Variants in PIAS1 observed in about 807,000 individuals in gnomAD.
PIAS1 encodes protein inhibitor of activated STAT 1.
Under a neutral mutation model 71.3 loss-of-function variants are expected in PIAS1, and 6 were observed. The ratio of observed to expected loss-of-function variants is 0.08; its 90% CI spans 0.05 to 0.17. The LOEUF is 0.17. Among genes scored for constraint, PIAS1 ranks in the 10% least tolerant of loss-of-function variants. The pLI is 1.00. For synonymous variants in PIAS1, 303 were observed against 292.9 expected (o/e 1.03, Z -0.35); for missense variants, 555 against 793.6 (o/e 0.70, Z 3.61).
At chr15:68,143,421 C>T (rs890633087) in intron 4 of PIAS1, among the ~76,000 whole-genome samples, 4 of 151,900 alleles carry the variant, frequency 2.6e-5, no homozygotes, top group Non-Finnish European at 4.4e-5. Context: ...GAGTTGAAGT[C>T]GAAAGTTGAG....
At chr15:68,147,019 G>A (rs1343858059) in intron 6 of PIAS1, among the ~76,000 whole-genome samples, 1 of 152,028 alleles carries the variant, frequency 6.6e-6, no homozygotes, top group African/African-American at 2.4e-5. Flanking sequence ...ACTATTGAGC[G>A]TGTTACTTGA....
chr15:68,180,192 C>T (rs929940410), intron 11 of PIAS1, among the ~76,000 whole-genome samples: 2 of 152,130 alleles, frequency 1.3e-5, no homozygotes, highest in Non-Finnish European at 2.9e-5. Flanking sequence ...CCTCGACCCC[C>T]CAGGCTCAAG....
chr15:68,109,202 G>T (rs1304176626), intron 2 of PIAS1, among the ~76,000 whole-genome samples: 1 of 152,054 alleles, frequency 6.6e-6, no homozygotes, highest in Admixed American at 6.6e-5. Flanking sequence ...AAACATTCAC[G>T]TGGCCATCTC....
Position 68,155,455 on chromosome 15 carries a change from A to AAAAAC in PIAS1, c.934+1764_934+1765insCAAAA, listed in dbSNP as rs1378582082. On this transcript the variant is annotated intron_variant, in intron 7 of 13. Transcript: ENST00000249636. The stretch of plus-strand genomic sequence containing the variant: ...TTTACCTGTATGCTGCCTGTAAAAA[A>AAAAAC]AAAAAAAAAAAAAAAAACCAAAAAC... Among the ~76,000 whole-genome samples the AAAAAC allele has an allele frequency of 6.6e-5, 10 of 150,992 alleles. No individual in the cohort carries two copies. In the East Asian group the frequency reaches 1.2e-3, roughly 18 times the overall value.
At chr15:68,058,746 T>C (rs192376799) in intron 1 of PIAS1, among the ~76,000 whole-genome samples, 1 of 152,156 alleles carries the variant, frequency 6.6e-6, no homozygotes, top group East Asian at 1.9e-4. Context: ...ATCTGAGAAG[T>C]AAGCAGAAAA....
chr15:68,168,592 G>A (rs890066344), intron 8 of PIAS1, among the ~76,000 whole-genome samples: 3 of 152,094 alleles, frequency 2.0e-5, no homozygotes, highest in Admixed American at 6.5e-5. Flanking sequence ...AGATGAAGAC[G>A]TTCAAAGCTC....
At chr15:68,101,398 G>A (rs1273567790) in intron 2 of PIAS1, among the ~76,000 whole-genome samples, 7 of 144,100 alleles carry the variant, frequency 4.9e-5, no homozygotes, top group Non-Finnish European at 6.0e-5. Context: ...CTAGTCCTTC[G>A]TTGGGTTTGT....
chr15:68,137,542 G>C (rs943252617), intron 2 of PIAS1, among the ~76,000 whole-genome samples: 2 of 152,066 alleles, frequency 1.3e-5, no homozygotes, highest in African/African-American at 4.8e-5. Flanking sequence ...ACTGGTAGGA[G>C]TACAGCACCG....
intron 2 of PIAS1, among the ~76,000 whole-genome samples, chr15:68,103,223 G>A (rs116141942): frequency 0.014 from 2,106 of 152,028 alleles, 57 homozygotes; most frequent in African/African-American, 0.049. Flanking sequence ...CACTCTGCCT[G>A]ACCCTTCTTT....
intron 4 of PIAS1, among the ~76,000 whole-genome samples, chr15:68,143,636 T>A (rs1284043665): frequency 6.6e-6 from 1 of 152,128 alleles, no homozygotes; most frequent in Non-Finnish European, 1.5e-5. Context: ...AAATAAGATG[T>A]CTCCATAGTT....
chr15:68,123,901 T>C (rs1276447892), intron 2 of PIAS1, among the ~76,000 whole-genome samples: 1 of 152,148 alleles, frequency 6.6e-6, no homozygotes. Context: ...CCAAACATAA[T>C]TATAGGCGGA....
At chr15:68,130,087 A>G (rs1467080330) in intron 2 of PIAS1, among the ~76,000 whole-genome samples, 1 of 152,138 alleles carries the variant, frequency 6.6e-6, no homozygotes, top group Non-Finnish European at 1.5e-5. Context: ...ACTAGAAAAA[A>G]TAGTTTATTA....
intron 7 of PIAS1, among the ~76,000 whole-genome samples, chr15:68,161,952 G>A (rs545883048): frequency 1.1e-4 from 16 of 150,080 alleles, no homozygotes; most frequent in African/African-American, 2.9e-4. Flanking sequence ...TTTTCTTGTC[G>A]TTGTTGAGAC....
chr15:68,133,007 A>G (rs1166629386), intron 2 of PIAS1, among the ~76,000 whole-genome samples: 3 of 150,638 alleles, frequency 2.0e-5, no homozygotes, highest in Non-Finnish European at 3.0e-5. Context: ...GAAAAAAGCC[A>G]GTAGCTTTAT....
chr15:68,191,273 CTT>C lies in PIAS1; in HGVS notation c.*3439_*3440del, dbSNP rs750289007. On this transcript the variant is annotated 3_prime_UTR_variant, in exon 14 of 14. Coordinates refer to ENST00000249636, the MANE Select transcript of PIAS1 (RefSeq NM_016166.3). ...GATTCATTGCCTTAAAACTTTCTCT[CTT>C]AGAATTTCCATACCGCATGCCAAAC... is the stretch of plus-strand genomic sequence containing the variant. 1.4e-4 allele frequency: 21 copies of C among 152,728 alleles called. No homozygotes were observed. The highest frequency in any genetic ancestry group is 3.1e-4 in the Non-Finnish European group (21 of 68,022). 9.5% of individuals were successfully genotyped at this position (152,728 alleles called of 1,614,324 possible).
intron 11 of PIAS1, among the ~76,000 whole-genome samples, chr15:68,179,564 CTTTTTTTTTTTTTTTTTTT>C (rs766344324): frequency 2.5e-5 from 1 of 40,094 alleles, no homozygotes; most frequent in African/African-American, 9.7e-5. Flanking sequence ...GTGAAATGTT[CTTTTTTTTTTTTTTTTTTT>C]TTTTTTTTTG....
intron 2 of PIAS1, among the ~76,000 whole-genome samples, chr15:68,105,982 A>G (rs1026025003): frequency 2.0e-5 from 3 of 152,040 alleles, no homozygotes; most frequent in Non-Finnish European, 4.4e-5. Flanking sequence ...CCTCACATAA[A>G]CATTTTACCA....
At chr15:68,142,206 C>G in intron 3 of PIAS1, 84 bp from the exon 4 acceptor site, 2 of 1,229,442 alleles carry the variant, frequency 1.6e-6, no homozygotes, top group Middle Eastern at 1.9e-4. Context: ...ATTTGAAAAA[C>G]TTTTCTGGAG....
chr15:68,068,018 A>G (rs977938179), intron 1 of PIAS1, among the ~76,000 whole-genome samples: 1 of 152,218 alleles, frequency 6.6e-6, no homozygotes, highest in Non-Finnish European at 1.5e-5. Flanking sequence ...AATTTACTGT[A>G]GCATTCTTCA....
Sources: allele counts gnomAD v4.1 joint callset (sites outside exome capture counted in the v4.1 genomes callset), GRCh38; gene constraint gnomAD v4.1.1; transcripts MANE v1.5; gene names NCBI Gene and HGNC (gene_info 2026-07-23, HGNC 2026-07-21).